Variants in TRAM1 observed in about 807,000 individuals in gnomAD.
TRAM1 encodes the protein translocation associated membrane protein 1.
Under a neutral mutation model 48.7 loss-of-function variants are expected in TRAM1, and 17 were observed. The ratio of observed to expected loss-of-function variants is 0.35; its 90% CI spans 0.24 to 0.52. The LOEUF (loss-of-function observed/expected upper bound fraction) is 0.52. Ranked by LOEUF, TRAM1 falls within the 20% of genes least tolerant of loss-of-function variation. The pLI is 0.94. For missense variants in TRAM1, 351 were observed against 441.5 expected (o/e 0.79, Z 1.84); for synonymous variants, 182 against 154.0 (o/e 1.18, Z -1.34).
intron 1 of TRAM1, chr8:70,607,370 C>A: frequency 1.0e-6 from 1 of 985,498 alleles, no homozygotes; most frequent in South Asian, 4.7e-5. Context: ...GACCTTGTTT[C>A]TTTAAAGCGT....
chr8:70,582,518 T>TG (rs1236506055), intron 10 of TRAM1, among the ~76,000 whole-genome samples: 6 of 140,504 alleles, frequency 4.3e-5, no homozygotes, highest in African/African-American at 1.3e-4. Flanking sequence ...GGGACAAACT[T>TG]GAAAAAAAAA....
At chr8:70,591,818 C>G (rs761061982) in intron 6 of TRAM1, among the ~76,000 whole-genome samples, 2 of 151,896 alleles carry the variant, frequency 1.3e-5, no homozygotes, top group Non-Finnish European at 2.9e-5. Flanking sequence ...CACATACACC[C>G]GAAAACTTCA....
At chr8:70,575,562 A>G (rs999693717) in intron 10 of TRAM1, among the ~76,000 whole-genome samples, 20 of 152,094 alleles carry the variant, frequency 1.3e-4, no homozygotes, top group Non-Finnish European at 2.8e-4. Flanking sequence ...AGCTGGGACT[A>G]CAGGCATGTG....
Position 70,608,083 on chromosome 8 carries a change from C to T in TRAM1, c.117G>A (p.Met39Ile). Residue 39 changes from methionine (M) to isoleucine (I), a missense_variant, in exon 1 of 11, where the codon ATG becomes ATA. Physicochemically the swap from Met to Ile is conservative, Grantham distance 10 (BLOSUM62 1). Coordinates refer to ENST00000262213, the MANE Select transcript of TRAM1 (RefSeq NM_014294.6). ...CVAMVFLLGL[M>I]FEITAKASII... ...GGACTCGGGGCGGGCTCACCTCAAA[C>T]ATGAGCCCCAGCAGGAAGACCATCG... 6.3e-7 allele frequency: 1 copy of T among 1,597,596 alleles called. No homozygotes were observed. Among genetic ancestry groups the T allele is most frequent in the Non-Finnish European group, 8.5e-7 (1 of 1,173,168 alleles).
At position 70,583,637 on chromosome 8, in the gene TRAM1, A is replaced by G. The variant is rs761095532; in HGVS notation, c.890+13T>C. ...AGCTGTATAAAGTGAAAAAAATGTT[A>G]AATTGATCGTACCTAACAGCTAACA... is the stretch of plus-strand genomic sequence containing the variant. On this transcript the variant is annotated intron_variant, in intron 9 of 10. Transcript: ENST00000262213. 6.2e-6 allele frequency: 10 copies of G among 1,603,758 alleles called. No homozygotes were observed. In the South Asian group the frequency reaches 1.1e-4, roughly 18 times the overall value.
chr8:70,575,068 T>C, intron 10 of TRAM1, 63 bp from the exon 11 acceptor site: 20 of 1,134,622 alleles, frequency 1.8e-5, no homozygotes, highest in Non-Finnish European at 2.4e-5. Context: ...ATAATCTTTA[T>C]ATGTAAAGAT....
chr8:70,581,122 A>G (rs1817065026), intron 10 of TRAM1, among the ~76,000 whole-genome samples: 1 of 152,356 alleles, frequency 6.6e-6, no homozygotes. Context: ...GCAAGGCAGC[A>G]TATGCCTGTA....
chr8:70,579,029 T>C (rs1193277580), intron 10 of TRAM1, among the ~76,000 whole-genome samples: 2 of 152,232 alleles, frequency 1.3e-5, no homozygotes, highest in Non-Finnish European at 2.9e-5. Flanking sequence ...TATGCTGTTA[T>C]ATGTGACCAA....
chr8:70,598,068 T>A, intron 3 of TRAM1, 57 bp from the exon 4 acceptor site: 1 of 1,543,914 alleles, frequency 6.5e-7, no homozygotes, highest in African/African-American at 1.4e-5. Flanking sequence ...ATATTTAATA[T>A]ATGACTAGCA....
intron 1 of TRAM1, 164 bp downstream of exon 1, chr8:70,607,913 G>C: frequency 1.3e-6 from 1 of 795,384 alleles, no homozygotes; most frequent in Non-Finnish European, 1.7e-6. Context: ...TGCCGCCGAC[G>C]TGGGGCAGGG....
intron 1 of TRAM1, among the ~76,000 whole-genome samples, chr8:70,606,549 G>A (rs74502470): frequency 3.9e-5 from 6 of 152,250 alleles, no homozygotes; most frequent in Admixed American, 6.5e-5. Flanking sequence ...GCAAAAAATG[G>A]CTGTGAGGAG....
At chr8:70,593,934 G>C (rs1222316147) in intron 6 of TRAM1, among the ~76,000 whole-genome samples, 1 of 152,108 alleles carries the variant, frequency 6.6e-6, no homozygotes, top group Non-Finnish European at 1.5e-5. Context: ...CTAGGAAGGA[G>C]GATTTTGCAG....
intron 1 of TRAM1, among the ~76,000 whole-genome samples, chr8:70,603,282 A>G (rs2132046826): frequency 7.0e-6 from 1 of 143,686 alleles, no homozygotes; most frequent in South Asian, 2.3e-4. Context: ...ATCTATATAT[A>G]CACACTATAT....
At chr8:70,593,596 TA>T (rs35219621) in intron 6 of TRAM1, among the ~76,000 whole-genome samples, 48,847 of 133,558 alleles carry the variant, frequency 0.37, 8,900 homozygotes, top group Middle Eastern at 0.47. Context: ...ATATGAGAAT[TA>T]AAAAAAAAAA....
At chr8:70,604,773 A>C (rs567614207) in intron 1 of TRAM1, among the ~76,000 whole-genome samples, 10 of 152,036 alleles carry the variant, frequency 6.6e-5, no homozygotes, top group Admixed American at 1.3e-4. Context: ...TTTTGAATAT[A>C]TTTCCTTTTG....
At chr8:70,596,464 T>C (rs1817489153) in intron 4 of TRAM1, 143 bp from the exon 5 acceptor site, 1 of 511,186 alleles carries the variant, frequency 2.0e-6, no homozygotes. Context: ...TTAGTTGTTT[T>C]AGTTATTTTC....
At chr8:70,585,591 CCCAT>C in intron 8 of TRAM1, among the ~76,000 whole-genome samples, 1 of 120,606 alleles carries the variant, frequency 8.3e-6, no homozygotes, top group Non-Finnish European at 1.9e-5. Context: ...AAAAAACAAC[CCCAT>C]CAACAAGTGG....
chr8:70,602,869 C>T (rs142928105), intron 1 of TRAM1, among the ~76,000 whole-genome samples: 187 of 152,148 alleles, frequency 1.2e-3, no homozygotes, highest in African/African-American at 4.3e-3. Flanking sequence ...GAAAGGGGGC[C>T]GTGGTACCAC....
At chr8:70,602,531 C>T (rs982210161) in intron 1 of TRAM1, among the ~76,000 whole-genome samples, 1 of 152,140 alleles carries the variant, frequency 6.6e-6, no homozygotes, top group Non-Finnish European at 1.5e-5. Context: ...GGACACATAA[C>T]TTCAAAAGAC....
Sources: allele counts gnomAD v4.1 joint callset (sites outside exome capture counted in the v4.1 genomes callset), GRCh38; gene constraint gnomAD v4.1.1; transcripts MANE v1.5; gene names NCBI Gene and HGNC (gene_info 2026-07-23, HGNC 2026-07-21).